Variants in LIMCH1 observed in about 807,000 individuals in gnomAD.
The protein encoded by LIMCH1 is LIM and calponin homology domains-containing protein 1.
LIMCH1 carries 113 observed loss-of-function variants against 176.5 expected under a neutral mutation model. That is an observed-to-expected ratio of 0.64 (90% CI 0.55 to 0.75). The LOEUF (loss-of-function observed/expected upper bound fraction) is 0.75, where lower values mean the gene tolerates loss of function less well. LIMCH1 is among the 30% of genes least tolerant of loss of function. The pLI, the probability that LIMCH1 is intolerant of heterozygous loss-of-function variation, is 0.00. For missense variants in LIMCH1, 1,674 were observed against 1,814.9 expected, an observed-to-expected ratio of 0.92 and a Z score of 1.41; for synonymous variants, 619 against 645.9, an observed-to-expected ratio of 0.96 and a Z score of 0.63.
intron 1 of LIMCH1, among the ~76,000 whole-genome samples, chr4:41,490,263 T>A (rs772463986): frequency 6.6e-6 from 1 of 151,916 alleles, no homozygotes; most frequent in Admixed American, 6.5e-5. Context: ...TTTTTTTTCT[T>A]TCTTTCTCCC....
intron 5 of LIMCH1, among the ~76,000 whole-genome samples, chr4:41,618,946 G>A (rs1266393689): frequency 6.6e-6 from 1 of 152,024 alleles, no homozygotes; most frequent in Non-Finnish European, 1.5e-5. Flanking sequence ...ATACAGTTAG[G>A]CTTATGTCTG....
chr4:41,575,561 T>C (rs941365347), intron 1 of LIMCH1, among the ~76,000 whole-genome samples: 2 of 152,374 alleles, frequency 1.3e-5, no homozygotes, highest in Middle Eastern at 3.4e-3. Context: ...GGCATACAAA[T>C]TTATATGATT....
intron 1 of LIMCH1, among the ~76,000 whole-genome samples, chr4:41,456,501 C>T (rs571417226): frequency 6.6e-6 from 1 of 152,134 alleles, no homozygotes; most frequent in East Asian, 1.9e-4. Context: ...TACTGTATGC[C>T]CTTGACCATC....
intron 1 of LIMCH1, among the ~76,000 whole-genome samples, chr4:41,550,177 AT>A (rs1254356628): frequency 9.2e-5 from 14 of 151,568 alleles, no homozygotes; most frequent in African/African-American, 3.4e-4. Context: ...TTAAAAACTG[AT>A]TATCCTGTTT....
chr4:41,581,865 A>T (rs1448257459), intron 1 of LIMCH1, among the ~76,000 whole-genome samples: 6 of 151,208 alleles, frequency 4.0e-5, no homozygotes, highest in Non-Finnish European at 8.8e-5. Context: ...ATCATACAGA[A>T]TTTATCTTTG....
intron 1 of LIMCH1, among the ~76,000 whole-genome samples, chr4:41,417,020 T>A (rs2059999801): frequency 6.6e-6 from 1 of 152,180 alleles, no homozygotes; most frequent in Admixed American, 6.5e-5. Context: ...TAAGACTTTT[T>A]TGTGAAATTT....
intron 1 of LIMCH1, among the ~76,000 whole-genome samples, chr4:41,375,663 G>A (rs571529654): frequency 2.0e-5 from 3 of 152,362 alleles, no homozygotes; most frequent in African/African-American, 7.2e-5. Context: ...TCCAGGGGGT[G>A]TGCAGCTCTG....
Position 41,423,232 on chromosome 4 carries a change from G to A in LIMCH1, c.96+62296G>A, listed in dbSNP as rs139252940. ...AAGAAAGCCGCAAACTTATGTTCTG[G>A]CTTGAAGCTATAACTTTTCTTTCCA... On this transcript the variant is annotated intron_variant, in intron 1 of 26. Transcript: ENST00000313860. 9.9e-5 allele frequency among the ~76,000 whole-genome samples: 15 copies of A among 152,270 alleles called. No homozygotes were observed. The East Asian group carries it at 2.9e-3, about 29-fold the overall frequency.
chr4:41,685,090 G>A (rs62410256), intron 27 of LIMCH1, among the ~76,000 whole-genome samples: 2,498 of 152,308 alleles, frequency 0.016, 41 homozygotes, highest in South Asian at 0.044. Context: ...TAAAGAGGAG[G>A]AGTGAGCTAA....
intron 21 of LIMCH1, among the ~76,000 whole-genome samples, 181 bp from the exon 22 acceptor site, chr4:41,671,372 AT>A (rs1410859401): frequency 6.9e-6 from 1 of 144,790 alleles, no homozygotes; most frequent in African/African-American, 2.6e-5. Flanking sequence ...CTTTATTATG[AT>A]TTTCTAATGT....
chr4:41,603,940 T>C (rs2090331480), intron 3 of LIMCH1, 35 bp downstream of exon 3: 5 of 1,565,276 alleles, frequency 3.2e-6, no homozygotes, highest in Non-Finnish European at 4.4e-6. Context: ...GTATCTTTGA[T>C]GGTTCAAGTG....
intron 1 of LIMCH1, among the ~76,000 whole-genome samples, chr4:41,410,623 C>A (rs1303383255): frequency 6.6e-6 from 1 of 152,146 alleles, no homozygotes; most frequent in African/African-American, 2.4e-5. Flanking sequence ...TCTGTGCTCC[C>A]TGCAAGACAG....
intron 30 of LIMCH1, among the ~76,000 whole-genome samples, chr4:41,689,993 C>T (rs1724163075): frequency 6.6e-6 from 1 of 152,196 alleles, no homozygotes. Context: ...GTTTCTTAAA[C>T]TCTTATGACT....
At chr4:41,644,248 G>C (rs2093954838) in intron 14 of LIMCH1, among the ~76,000 whole-genome samples, 1 of 152,118 alleles carries the variant, frequency 6.6e-6, no homozygotes, top group Admixed American at 6.5e-5. Flanking sequence ...ATATTGACCC[G>C]ATTCAGTGAC....
intron 2 of LIMCH1, among the ~76,000 whole-genome samples, chr4:41,511,290 T>C (rs1249901041): frequency 6.6e-6 from 1 of 152,228 alleles, no homozygotes; most frequent in African/African-American, 2.4e-5. Context: ...CCTGCAGTGC[T>C]GTATTCCCTG....
intron 1 of LIMCH1, among the ~76,000 whole-genome samples, chr4:41,447,800 T>C (rs1263248041): frequency 6.6e-6 from 1 of 152,122 alleles, no homozygotes; most frequent in African/African-American, 2.4e-5. Flanking sequence ...GCATTTTTTT[T>C]TCGTTTTTGA....
intron 2 of LIMCH1, among the ~76,000 whole-genome samples, chr4:41,509,089 T>G (rs1466509581): frequency 6.6e-6 from 1 of 152,172 alleles, no homozygotes. Context: ...TGAGACACTG[T>G]TCAGAGCGAA....
At chr4:41,626,471 G>A (rs4075923) in intron 7 of LIMCH1, among the ~76,000 whole-genome samples, 8,701 of 152,164 alleles carry the variant, frequency 0.057, 590 homozygotes, top group African/African-American at 0.16. Flanking sequence ...TCTGTTGCTG[G>A]TGGAAGCCCT....
chr4:41,679,935 T>A, intron 23 of LIMCH1, 71 bp from the exon 24 acceptor site: 3 of 958,294 alleles, frequency 3.1e-6, no homozygotes, highest in Non-Finnish European at 4.9e-6. Flanking sequence ...TACATGGTGG[T>A]TTAGGGGGGA....
Sources: allele counts gnomAD v4.1 joint callset (sites outside exome capture counted in the v4.1 genomes callset), GRCh38; gene constraint gnomAD v4.1.1; transcripts MANE v1.5; gene names NCBI Gene and HGNC (gene_info 2026-07-23, HGNC 2026-07-21).